The following LSAMP variants were observed in gnomAD, a reference collection of about 807,000 sequenced individuals.
The protein encoded by LSAMP is limbic system associated membrane protein.
Under a neutral mutation model 38.6 loss-of-function variants are expected in LSAMP, and 7 were observed. The ratio of observed to expected loss-of-function variants is 0.18; its 90% confidence interval spans 0.10 to 0.34. The LOEUF (loss-of-function observed/expected upper bound fraction) is 0.34. Among genes scored for constraint, LSAMP ranks in the 10% least tolerant of loss-of-function variants. The pLI is 1.00. For synonymous variants in LSAMP, 154 were observed against 166.8 expected (o/e 0.92, Z 0.59); for missense variants, 313 against 420.0 (o/e 0.75, Z 2.23).
chr3:116,266,359 T>C (rs983259230), intron 1 of LSAMP, among the ~76,000 whole-genome samples: 47 of 152,080 alleles, frequency 3.1e-4, no homozygotes, highest in African/African-American at 1.1e-3. Flanking sequence ...GATGATGAGA[T>C]GGGAATTTAT....
chr3:115,950,366 G>C (rs1938242029), intron 3 of LSAMP, among the ~76,000 whole-genome samples: 1 of 152,052 alleles, frequency 6.6e-6, no homozygotes, highest in South Asian at 2.1e-4. Context: ...TCCTAGATCT[G>C]ATAAATGAAT....
intron 3 of LSAMP, among the ~76,000 whole-genome samples, chr3:115,941,885 TGATA>T (rs897297321): frequency 2.0e-5 from 3 of 152,040 alleles, no homozygotes; most frequent in African/African-American, 4.8e-5. Flanking sequence ...AACTTGGTGG[TGATA>T]GATATGTTAA....
chr3:115,993,061 T>C (rs1939715984), intron 3 of LSAMP, among the ~76,000 whole-genome samples: 2 of 152,140 alleles, frequency 1.3e-5, no homozygotes, highest in Non-Finnish European at 2.9e-5. Flanking sequence ...GCCTAAGTAG[T>C]TTTTACTCTG....
In LSAMP at chr3:115,805,332, C is replaced by T. The variant is rs569944062; in HGVS notation, c.*4985G>A. The T allele has an allele frequency of 4.6e-5, 7 of 152,198 alleles. No individual in the cohort carries two copies. The South Asian group carries it at 1.5e-3, about 32-fold the overall frequency. The allele number at this position is 152,198 out of a possible 1,614,324, so 9.4% of individuals were successfully genotyped here. A position where few individuals can be genotyped will look rare whatever the true frequency, so the allele number is the denominator to read the frequency against. ...GCAACCTCATATTTGGAGCTTTAGTCGTAATTCTTCCGATTCTGAACTGTG... is the reference window on the plus strand; with the variant it reads ...GCAACCTCATATTTGGAGCTTTAGTTGTAATTCTTCCGATTCTGAACTGTG... On this transcript the variant is annotated 3_prime_UTR_variant, in exon 7 of 7. Coordinates refer to ENST00000490035, the MANE Select transcript of LSAMP (RefSeq NM_002338.5).
At chr3:116,429,523 AAAG>A (rs796559850) in intron 1 of LSAMP, among the ~76,000 whole-genome samples, 9 of 152,352 alleles carry the variant, frequency 5.9e-5, no homozygotes, top group African/African-American at 2.2e-4. Flanking sequence ...TATGAAAAGT[AAAG>A]AAGTCACACA....
At chr3:116,042,493 G>C (rs1941197715) in intron 2 of LSAMP, among the ~76,000 whole-genome samples, 1 of 149,660 alleles carries the variant, frequency 6.7e-6, no homozygotes, top group Non-Finnish European at 1.5e-5. Flanking sequence ...GCAGTGGCAC[G>C]ATCTCAGCTC....
chr3:116,346,854 A>T (rs1470270504), intron 1 of LSAMP, among the ~76,000 whole-genome samples: 1 of 152,196 alleles, frequency 6.6e-6, no homozygotes, highest in African/African-American at 2.4e-5. Flanking sequence ...ACATATCAAG[A>T]GTCTTCTCTC....
At chr3:116,005,021 G>A (rs1421000356) in intron 3 of LSAMP, among the ~76,000 whole-genome samples, 1 of 152,154 alleles carries the variant, frequency 6.6e-6, no homozygotes, top group South Asian at 2.1e-4. Context: ...GACTGTTCTA[G>A]TGATGGTAGT....
chr3:116,033,250 G>A (rs947842094), intron 2 of LSAMP, among the ~76,000 whole-genome samples: 1 of 152,062 alleles, frequency 6.6e-6, no homozygotes, highest in South Asian at 2.1e-4. Flanking sequence ...AACTCAAGAA[G>A]GGGGGCATGG....
intron 3 of LSAMP, among the ~76,000 whole-genome samples, chr3:115,916,253 G>A (rs1937248983): frequency 6.6e-6 from 1 of 152,130 alleles, no homozygotes; most frequent in African/African-American, 2.4e-5. Context: ...GCAGTAGAGG[G>A]ATTCAGAATG....
At chr3:116,151,156 G>T (rs936677214) in intron 1 of LSAMP, among the ~76,000 whole-genome samples, 1 of 152,110 alleles carries the variant, frequency 6.6e-6, no homozygotes, top group East Asian at 1.9e-4. Flanking sequence ...AGGATACACA[G>T]CAGAAATTCA....
At chr3:116,218,949 C>A (rs191918206) in intron 1 of LSAMP, among the ~76,000 whole-genome samples, 9 of 152,300 alleles carry the variant, frequency 5.9e-5, no homozygotes, top group Admixed American at 5.9e-4. Context: ...TTTTCTACTT[C>A]ATTGTGGTAA....
At chr3:115,922,547 T>C (rs1246162608) in intron 3 of LSAMP, among the ~76,000 whole-genome samples, 3 of 152,234 alleles carry the variant, frequency 2.0e-5, no homozygotes, top group East Asian at 3.9e-4. Context: ...TATACTTCCA[T>C]TTTTAAATTA....
intron 6 of LSAMP, among the ~76,000 whole-genome samples, chr3:115,825,859 C>G (rs944449728): frequency 2.6e-5 from 4 of 152,134 alleles, no homozygotes; most frequent in Non-Finnish European, 5.9e-5. Flanking sequence ...AATGTACATA[C>G]ATTGTTGTAA....
intron 1 of LSAMP, among the ~76,000 whole-genome samples, chr3:116,193,616 G>T (rs1710807237): frequency 6.6e-6 from 1 of 152,158 alleles, no homozygotes; most frequent in Non-Finnish European, 1.5e-5. Flanking sequence ...GCTAGACAAT[G>T]ACTGATCTCG....
At chr3:115,874,762 T>C (rs1936138584) in intron 3 of LSAMP, among the ~76,000 whole-genome samples, 1 of 152,064 alleles carries the variant, frequency 6.6e-6, no homozygotes, top group Non-Finnish European at 1.5e-5. Context: ...AGGCAAGATA[T>C]CTCGAGTGAA....
intron 1 of LSAMP, among the ~76,000 whole-genome samples, chr3:116,213,193 T>G (rs1227747937): frequency 1.3e-5 from 2 of 152,194 alleles, no homozygotes. Flanking sequence ...CATTTTGAGT[T>G]GTGATATGGT....
At chr3:116,263,087 C>T (rs558735820) in intron 1 of LSAMP, among the ~76,000 whole-genome samples, 1 of 152,274 alleles carries the variant, frequency 6.6e-6, no homozygotes, top group South Asian at 2.1e-4. Flanking sequence ...GGGAATATAA[C>T]ACTATAAAAG....
chr3:116,210,445 C>T (rs896719352), intron 1 of LSAMP, among the ~76,000 whole-genome samples: 1 of 152,164 alleles, frequency 6.6e-6, no homozygotes, highest in Non-Finnish European at 1.5e-5. Flanking sequence ...ATGCTTCCTA[C>T]CTTGAACATC....
Sources: gnomAD v4.1 joint callset for allele counts (sites outside exome capture counted in the v4.1 genomes callset) on GRCh38, gnomAD v4.1.1 for gene constraint, MANE v1.5 for transcripts, NCBI Gene and HGNC (gene_info 2026-07-23, HGNC 2026-07-21) for gene names.